SLC4A7: variants seen among roughly 807,000 people sequenced by gnomAD.
SLC4A7 encodes the protein solute carrier family 4 member 7, also known as sodium bicarbonate cotransporter 3.
In SLC4A7, 51 loss-of-function variants were observed where a neutral mutation model predicts 137.6. The ratio of observed to expected loss-of-function variants is 0.37; its 90% CI spans 0.30 to 0.47. SLC4A7 has a LOEUF of 0.47. Ranked by LOEUF, SLC4A7 falls within the 20% of genes least tolerant of loss-of-function variation. SLC4A7 has a pLI of 1.00. For missense variants in SLC4A7, 1,247 were observed against 1,525.4 expected (o/e 0.82, Z 3.04); for synonymous variants, 542 against 518.6 (o/e 1.05, Z -0.61).
At chr3:27,458,458 T>C (rs17682792) in intron 1 of SLC4A7, among the ~76,000 whole-genome samples, 23,372 of 152,060 alleles carry the variant, frequency 0.15, 1,985 homozygotes, top group South Asian at 0.27. Context: ...ACACTTCAAA[T>C]ACAACTAAGG....
chr3:27,396,786 A>G (rs2052215804), intron 18 of SLC4A7, among the ~76,000 whole-genome samples: 1 of 152,200 alleles, frequency 6.6e-6, no homozygotes, highest in South Asian at 2.1e-4. Flanking sequence ...TCCTTTTAGC[A>G]TAAGCAAAGG....
chr3:27,442,716 G>A (rs1430628673), intron 3 of SLC4A7, among the ~76,000 whole-genome samples: 1 of 152,110 alleles, frequency 6.6e-6, no homozygotes, highest in Non-Finnish European at 1.5e-5. Context: ...TCACATGGCA[G>A]GGAAAGATTA....
intron 3 of SLC4A7, among the ~76,000 whole-genome samples, chr3:27,445,837 C>G (rs1467374631): frequency 1.4e-5 from 2 of 138,154 alleles, no homozygotes; most frequent in African/African-American, 2.7e-5. Context: ...GAGGCTGAGG[C>G]AGGAGAATTG....
intron 13 of SLC4A7, among the ~76,000 whole-genome samples, chr3:27,408,690 C>A (rs1037454083): frequency 1.2e-4 from 18 of 152,088 alleles, no homozygotes; most frequent in African/African-American, 4.1e-4. Flanking sequence ...AAAGAAATGC[C>A]TTTCAAGATT....
chr3:27,412,723 A>G (rs1327937247), intron 11 of SLC4A7, among the ~76,000 whole-genome samples: 3 of 145,390 alleles, frequency 2.1e-5, no homozygotes, highest in Admixed American at 6.9e-5. Context: ...ATTATTTTTA[A>G]TTTAATTAAT....
intron 10 of SLC4A7, among the ~76,000 whole-genome samples, chr3:27,419,301 G>A (rs984185741): frequency 3.9e-5 from 6 of 151,936 alleles, no homozygotes; most frequent in African/African-American, 1.4e-4. Flanking sequence ...AGGCACGGTG[G>A]CTCATGCCTG....
chr3:27,448,548 T>C, intron 3 of SLC4A7, 103 bp downstream of exon 3: 2 of 886,642 alleles, frequency 2.3e-6, no homozygotes. Context: ...GTGACTACAT[T>C]AATGCATACA....
chr3:27,466,384 G>A (rs1235109523), intron 1 of SLC4A7, among the ~76,000 whole-genome samples: 3 of 151,460 alleles, frequency 2.0e-5, no homozygotes, highest in African/African-American at 4.9e-5. Context: ...CCCGGGGGAC[G>A]GAGCCTGCAG....
At chr3:27,435,741 T>C (rs748553125) in intron 5 of SLC4A7, among the ~76,000 whole-genome samples, 7 of 152,136 alleles carry the variant, frequency 4.6e-5, no homozygotes, top group East Asian at 1.9e-4. Flanking sequence ...ACTCAGTAGG[T>C]TGAGGTGGGA....
rs1224814047 is a variant in SLC4A7, at chr3:27,397,588, A to T, written c.2703+96T>A. 6 of 681,668 alleles carry T rather than the reference A, an allele frequency of 8.8e-6. No individual in the cohort carries two copies. In the Middle Eastern group the frequency reaches 1.1e-3, roughly 122 times the overall value. The allele number at this position is 681,668 out of a possible 1,614,324, so 42.2% of individuals were successfully genotyped here. On this transcript the variant is annotated intron_variant, in intron 18 of 25. Transcript: ENST00000454389. ...AGCATCAGCCCTTCAAAGAGACTAC[A>T]TACTTTTAAAACAATAACTACTGAG...
chr3:27,436,566 A>G lies in SLC4A7; in HGVS notation c.429-18T>C. On this transcript the variant is annotated intron_variant, in intron 4 of 25. Coordinates refer to ENST00000454389, the MANE Select transcript of SLC4A7 (RefSeq NM_001321103.2). ...TCAGCCATCTGAATGCATAATGTAT[A>G]AAAATATTTTATAAGTAATGAAGAT... is the stretch of plus-strand genomic sequence containing the variant. 1 of 1,530,514 alleles carries G rather than the reference A, an allele frequency of 6.5e-7. No individual in the cohort carries two copies. Among genetic ancestry groups the G allele is most frequent in the Non-Finnish European group, 9.0e-7 (1 of 1,116,766 alleles). 94.8% of individuals were successfully genotyped at this position (1,530,514 alleles called of 1,614,324 possible). A position where few individuals can be genotyped will look rare whatever the true frequency, so the allele number is the denominator to read the frequency against.
chr3:27,453,269 A>T (rs2058197382), intron 1 of SLC4A7, among the ~76,000 whole-genome samples: 1 of 152,194 alleles, frequency 6.6e-6, no homozygotes, highest in Admixed American at 6.5e-5. Context: ...TTAACTTATT[A>T]TACACAAGAT....
chr3:27,401,506 A>G (rs1307718709), intron 15 of SLC4A7, among the ~76,000 whole-genome samples: 1 of 152,192 alleles, frequency 6.6e-6, no homozygotes, highest in Admixed American at 6.5e-5. Flanking sequence ...ATAATCATGA[A>G]TGTTCCAAAC....
At chr3:27,417,679 A>G (rs1267406812) in intron 11 of SLC4A7, among the ~76,000 whole-genome samples, 2 of 152,206 alleles carry the variant, frequency 1.3e-5, no homozygotes, top group African/African-American at 4.8e-5. Flanking sequence ...GCTTGAGCCC[A>G]GGAAACTGAG....
intron 16 of SLC4A7, 120 bp downstream of exon 16, chr3:27,400,644 T>TGAAA: frequency 1.6e-6 from 1 of 628,300 alleles, no homozygotes; most frequent in Non-Finnish European, 2.8e-6. Context: ...AAAATAACAC[T>TGAAA]ACATTCTGAA....
At chr3:27,433,551 T>C (rs1288801887) in intron 6 of SLC4A7, among the ~76,000 whole-genome samples, 1 of 151,802 alleles carries the variant, frequency 6.6e-6, no homozygotes, top group Non-Finnish European at 1.5e-5. Context: ...GGAACAGTCA[T>C]AAAAGCCTTT....
At chr3:27,377,039 T>C (rs1019441954) in intron 25 of SLC4A7, among the ~76,000 whole-genome samples, 194 bp from the exon 26 acceptor site, 3 of 152,164 alleles carry the variant, frequency 2.0e-5, no homozygotes, top group Non-Finnish European at 4.4e-5. Flanking sequence ...TTTTAAAAAT[T>C]GCAAATATTA....
intron 2 of SLC4A7, among the ~76,000 whole-genome samples, chr3:27,451,611 G>C (rs926153759): frequency 1.3e-5 from 2 of 152,058 alleles, no homozygotes; most frequent in Non-Finnish European, 2.9e-5. Flanking sequence ...AACTGGTATA[G>C]ATTAGGAGAC....
At chr3:27,461,100 T>G (rs919327919) in intron 1 of SLC4A7, among the ~76,000 whole-genome samples, 1 of 152,140 alleles carries the variant, frequency 6.6e-6, no homozygotes, top group Non-Finnish European at 1.5e-5. Context: ...GGAAAATCCA[T>G]CAATTTGAAT....
Sources: gnomAD v4.1 joint callset for allele counts (sites outside exome capture counted in the v4.1 genomes callset) on GRCh38, gnomAD v4.1.1 for gene constraint, MANE v1.5 for transcripts, NCBI Gene and HGNC (gene_info 2026-07-23, HGNC 2026-07-21) for gene names.